Variants in WDFY3 observed in about 807,000 individuals in gnomAD.
The protein encoded by WDFY3 is WD repeat and FYVE domain containing 3, also known as WD repeat and FYVE domain-containing protein 3.
Under a neutral mutation model 409.6 loss-of-function variants are expected in WDFY3, and 66 were observed. The ratio of observed to expected loss-of-function variants is 0.16; its 90% confidence interval spans 0.13 to 0.20. WDFY3 has a LOEUF of 0.20. Among genes scored for constraint, WDFY3 ranks in the 10% least tolerant of loss-of-function variants. The probability of loss-of-function intolerance (pLI) is 1.00; values close to 1 mark genes in which losing one functional copy is unlikely to be tolerated. For missense variants in WDFY3, 3,031 were observed against 4,298.1 expected (o/e 0.71, Z 8.24); for synonymous variants, 1,521 against 1,537.1 (o/e 0.99, Z 0.25).
chr4:84,881,707 C>A (rs1198340695), intron 3 of WDFY3, among the ~76,000 whole-genome samples: 1 of 151,592 alleles, frequency 6.6e-6, no homozygotes, highest in African/African-American at 2.4e-5. Flanking sequence ...GGAAACATAA[C>A]AAGACCCCGC....
intron 5 of WDFY3, among the ~76,000 whole-genome samples, chr4:84,842,692 G>A (rs1001431380): frequency 4.6e-5 from 7 of 151,712 alleles, no homozygotes; most frequent in African/African-American, 1.7e-4. Context: ...TGAGGCAGGA[G>A]AATTACTTGA....
chr4:84,684,186 G>A, intron 62 of WDFY3, 61 bp from the exon 63 acceptor site: 1 of 1,429,038 alleles, frequency 7.0e-7, no homozygotes, highest in Admixed American at 2.3e-5. Context: ...TCTGGTTTCT[G>A]AAGCAAATTG....
At chr4:84,797,053 A>G (rs1036229154) in intron 18 of WDFY3, among the ~76,000 whole-genome samples, 2 of 152,332 alleles carry the variant, frequency 1.3e-5, no homozygotes, top group East Asian at 3.9e-4. Context: ...TATAAATCTC[A>G]GTTAATAGTT....
chr4:84,948,352 T>C (rs1042688077), intron 1 of WDFY3, among the ~76,000 whole-genome samples: 3 of 152,148 alleles, frequency 2.0e-5, no homozygotes, highest in African/African-American at 7.2e-5. Flanking sequence ...CAGCAGTTCT[T>C]TGCATCTCGT....
At chr4:84,886,406 G>C (rs1017649265) in intron 3 of WDFY3, 1 of 149,846 alleles carries the variant, frequency 6.7e-6, no homozygotes, top group Non-Finnish European at 1.5e-5. Context: ...AATGCTTCAC[G>C]AATTTGCATG....
chr4:84,888,529 T>C (rs140293628), intron 3 of WDFY3, among the ~76,000 whole-genome samples: 135 of 152,338 alleles, frequency 8.9e-4, no homozygotes, highest in African/African-American at 3.1e-3. Context: ...ACTTTCATAT[T>C]ATTTTCCAAA....
chr4:84,809,959 A>T lies in WDFY3; in HGVS notation c.2273T>A (p.Val758Glu). ...LEEDVISIES[V>E]SPTLRHCSKL... ...ACTGCAGTGCCGTAACGTGGGTGAC[A>T]CTGATTCTATTGAGATTACATCTTC... Residue 758 changes from valine (V) to glutamate (E), a missense_variant, in exon 14 of 68, where the codon GTG becomes GAG. Transcript: ENST00000295888. 6.2e-7 allele frequency: 1 copy of T among 1,614,170 alleles called. No homozygotes were observed. The highest frequency in any genetic ancestry group is 8.5e-7 in the Non-Finnish European group (1 of 1,180,018).
chr4:84,938,031 T>C (rs1475001178), intron 1 of WDFY3, among the ~76,000 whole-genome samples: 1 of 152,142 alleles, frequency 6.6e-6, no homozygotes, highest in Non-Finnish European at 1.5e-5. Context: ...ATAAGGGTTA[T>C]TTGGATATAA....
At chr4:84,864,758 A>C (rs1403569056) in intron 3 of WDFY3, among the ~76,000 whole-genome samples, 1 of 152,204 alleles carries the variant, frequency 6.6e-6, no homozygotes, top group Non-Finnish European at 1.5e-5. Context: ...AGGCTTACTT[A>C]TATTAGGTAT....
chr4:84,719,153 G>T (rs773506542), intron 47 of WDFY3, among the ~76,000 whole-genome samples: 4 of 152,160 alleles, frequency 2.6e-5, no homozygotes, highest in Non-Finnish European at 4.4e-5. Context: ...ATTATTGGTT[G>T]CTTTCTGTTC....
intron 1 of WDFY3, among the ~76,000 whole-genome samples, chr4:84,959,564 G>A (rs1774662928): frequency 6.6e-6 from 1 of 152,166 alleles, no homozygotes; most frequent in South Asian, 2.1e-4. Context: ...TGAGACGTGA[G>A]GAAGACTGAG....
In WDFY3 at chr4:84,743,813, T is replaced by C. The variant is rs1370904898; in HGVS notation, c.5974-14A>G. On this transcript the variant is annotated splice_polypyrimidine_tract_variant and intron_variant, in intron 36 of 67. Transcript: ENST00000295888. ...TTCAGGGGAAGCCTAATCAAGAAAA[T>C]TTAGAATTAGAAACAGAACCAACTA... 5.8e-6 allele frequency: 9 copies of C among 1,554,374 alleles called. No individual in the cohort carries two copies. Among genetic ancestry groups the C allele is most frequent in the South Asian group, 1.2e-5 (1 of 80,638 alleles).
intron 1 of WDFY3, among the ~76,000 whole-genome samples, chr4:84,949,044 C>T (rs1016579312): frequency 1.3e-5 from 2 of 152,116 alleles, no homozygotes; most frequent in African/African-American, 4.8e-5. Flanking sequence ...AAGAACTTTT[C>T]CTCAGCGCCT....
At chr4:84,751,437 T>C in intron 36 of WDFY3, 46 bp downstream of exon 36, 1 of 1,587,136 alleles carries the variant, frequency 6.3e-7, no homozygotes, top group Non-Finnish European at 8.6e-7. Flanking sequence ...TGTTCTAATT[T>C]AAAAAGTAAT....
At chr4:84,965,741 G>T in intron 1 of WDFY3, 1 of 152,480 alleles carries the variant, frequency 6.6e-6, no homozygotes, top group Non-Finnish European at 1.5e-5. Context: ...GCTCGGCTGC[G>T]CTCAGGTCCG....
intron 2 of WDFY3, among the ~76,000 whole-genome samples, chr4:84,914,343 C>T (rs1579103979): frequency 6.6e-6 from 1 of 152,058 alleles, no homozygotes; most frequent in Non-Finnish European, 1.5e-5. Flanking sequence ...ATCGCTTGAA[C>T]TTGGAGGTTG....
At chr4:84,697,856 T>C (rs1397396880) in intron 56 of WDFY3, among the ~76,000 whole-genome samples, 1 of 152,206 alleles carries the variant, frequency 6.6e-6, no homozygotes, top group Non-Finnish European at 1.5e-5. Flanking sequence ...TGGAAGCGAA[T>C]AAAATATCTC....
At chr4:84,815,418 G>A (rs191792771) in intron 13 of WDFY3, among the ~76,000 whole-genome samples, 7 of 152,056 alleles carry the variant, frequency 4.6e-5, no homozygotes, top group East Asian at 1.9e-4. Context: ...GAGAACTAAC[G>A]TTCAAACAAT....
intron 3 of WDFY3, among the ~76,000 whole-genome samples, chr4:84,861,637 T>C (rs932462463): frequency 1.5e-4 from 23 of 152,128 alleles, no homozygotes; most frequent in African/African-American, 5.5e-4. Flanking sequence ...TAGAAAAAAA[T>C]AGAAGATAAG....
Sources: allele counts gnomAD v4.1 joint callset (sites outside exome capture counted in the v4.1 genomes callset), GRCh38; gene constraint gnomAD v4.1.1; transcripts MANE v1.5; gene names NCBI Gene and HGNC (gene_info 2026-07-23, HGNC 2026-07-21).